Variants in CTNNA2 observed in about 807,000 individuals in gnomAD.
CTNNA2 encodes the protein catenin alpha-2.
CTNNA2 carries 42 observed loss-of-function variants against 101.0 expected under a neutral mutation model. The ratio of observed to expected loss-of-function variants is 0.42; its 90% confidence interval spans 0.32 to 0.54. The LOEUF is 0.54. Among genes scored for constraint, CTNNA2 ranks in the 20% least tolerant of loss-of-function variants. The pLI is 0.14. For synonymous variants in CTNNA2, 450 were observed against 456.4 expected, an observed-to-expected ratio of 0.99 and a Z score of 0.18; for missense variants, 871 against 1,223.1, an observed-to-expected ratio of 0.71 and a Z score of 4.29.
At chr2:79,840,223 T>C (rs1246137490) in intron 3 of CTNNA2, among the ~76,000 whole-genome samples, 1 of 152,232 alleles carries the variant, frequency 6.6e-6, no homozygotes, top group Non-Finnish European at 1.5e-5. Context: ...CACAGGGCAT[T>C]TTTTTCCTAG....
In CTNNA2 at chr2:80,116,504, G is replaced by T. The variant is rs73940949; in HGVS notation, c.1056+206707G>T. On this transcript the variant is annotated intron_variant, in intron 7 of 18. Transcript: ENST00000402739. ...TATATGTTTGTGTGCATATGCATAT[G>T]CGTGGGAATTTGTGTTTGTACATGT... Among the ~76,000 whole-genome samples, 327 of 152,234 alleles carry T rather than the reference G, an allele frequency of 2.1e-3. 1 individual carries two copies. The highest frequency in any genetic ancestry group is 7.4e-3 in the African/African-American group (309 of 41,548).
At chr2:80,543,005 CT>C (rs1357052896) in intron 9 of CTNNA2, among the ~76,000 whole-genome samples, 1 of 152,160 alleles carries the variant, frequency 6.6e-6, no homozygotes, top group African/African-American at 2.4e-5. Context: ...GAACATTTGT[CT>C]TGCCAAATTA....
chr2:80,294,388 G>T (rs192805266), intron 7 of CTNNA2, among the ~76,000 whole-genome samples: 53 of 152,192 alleles, frequency 3.5e-4, no homozygotes, highest in Middle Eastern at 3.4e-3. Context: ...TGGAGTCAAT[G>T]GCAGGAGGTG....
intron 7 of CTNNA2, among the ~76,000 whole-genome samples, chr2:80,084,853 T>C (rs1166750831): frequency 1.3e-5 from 2 of 151,986 alleles, no homozygotes; most frequent in African/African-American, 4.8e-5. Flanking sequence ...GGAATGAAGA[T>C]GAAAAAAAAT....
intron 3 of CTNNA2, among the ~76,000 whole-genome samples, chr2:79,841,259 G>A (rs555704490): frequency 6.6e-6 from 1 of 152,238 alleles, no homozygotes; most frequent in African/African-American, 2.4e-5. Flanking sequence ...AGAAATCTGA[G>A]TCCTACTTTT....
chr2:80,190,729 T>A, intron 7 of CTNNA2, among the ~76,000 whole-genome samples: 1 of 152,208 alleles, frequency 6.6e-6, no homozygotes, highest in East Asian at 1.9e-4. Context: ...GCTTCTATGG[T>A]TTCTGGCCTA....
intron 1 of CTNNA2, among the ~76,000 whole-genome samples, chr2:79,597,847 A>G (rs899957009): frequency 4.6e-5 from 7 of 152,206 alleles, no homozygotes; most frequent in Non-Finnish European, 8.8e-5. Context: ...TATTCTATGT[A>G]TTAGGAGAAA....
At chr2:80,368,479 C>G (rs900933332) in intron 7 of CTNNA2, among the ~76,000 whole-genome samples, 1 of 151,778 alleles carries the variant, frequency 6.6e-6, no homozygotes, top group Non-Finnish European at 1.5e-5. Flanking sequence ...ATTGAATGCA[C>G]TATACACAGA....
intron 2 of CTNNA2, among the ~76,000 whole-genome samples, chr2:79,740,465 G>A (rs981360888): frequency 1.3e-5 from 2 of 152,028 alleles, no homozygotes; most frequent in African/African-American, 4.8e-5. Flanking sequence ...TTTGCTTTCA[G>A]CTGACACAAA....
intron 2 of CTNNA2, among the ~76,000 whole-genome samples, chr2:79,289,856 A>G (rs911751365): frequency 6.6e-6 from 1 of 152,230 alleles, no homozygotes; most frequent in South Asian, 2.1e-4. Flanking sequence ...TATAATACTT[A>G]GGAGTGAGGG....
In CTNNA2 at chr2:80,129,682, C is replaced by G. The variant is rs147744088; in HGVS notation, c.1056+219885C>G. ...GCATATAAGATCATCTCATCCTTAA[C>G]TACAACTCTATAATGGAACTCCTGT... On this transcript the variant is annotated intron_variant, in intron 7 of 18. Transcript: ENST00000402739. 5.6e-4 allele frequency among the ~76,000 whole-genome samples: 86 copies of G among 152,346 alleles called. 1 individual carries two copies. The highest frequency in any genetic ancestry group is 1.9e-3 in the African/African-American group (80 of 41,588).
At chr2:79,726,923 G>A (rs1051823334) in intron 2 of CTNNA2, among the ~76,000 whole-genome samples, 2 of 152,188 alleles carry the variant, frequency 1.3e-5, no homozygotes, top group African/African-American at 2.4e-5. Flanking sequence ...GCTATAAAAA[G>A]TGAGTCGGTT....
At chr2:80,071,600 C>T (rs1040342818) in intron 7 of CTNNA2, among the ~76,000 whole-genome samples, 1 of 152,186 alleles carries the variant, frequency 6.6e-6, no homozygotes, top group African/African-American at 2.4e-5. Context: ...GGGTAATAGA[C>T]TTCTCTCACC....
At chr2:80,336,042 A>G (rs1436020731) in intron 7 of CTNNA2, among the ~76,000 whole-genome samples, 1 of 152,188 alleles carries the variant, frequency 6.6e-6, no homozygotes, top group Non-Finnish European at 1.5e-5. Context: ...AAGAAATTGT[A>G]TAGTGCACAC....
At chr2:80,455,182 T>C (rs1683858262) in intron 9 of CTNNA2, among the ~76,000 whole-genome samples, 1 of 152,222 alleles carries the variant, frequency 6.6e-6, no homozygotes, top group Non-Finnish European at 1.5e-5. Context: ...AGCAGCCTTT[T>C]TGTACCTATA....
At chr2:79,210,781 A>G (rs1674161374) in intron 2 of CTNNA2, among the ~76,000 whole-genome samples, 2 of 152,062 alleles carry the variant, frequency 1.3e-5, no homozygotes, top group South Asian at 4.2e-4. Flanking sequence ...AAGTGAGGAC[A>G]TGCAATGTTT....
At chr2:80,245,005 C>A (rs1034067342) in intron 7 of CTNNA2, among the ~76,000 whole-genome samples, 2 of 152,170 alleles carry the variant, frequency 1.3e-5, no homozygotes, top group Admixed American at 1.3e-4. Context: ...TGTTCAGACA[C>A]TAAAACAAAC....
At chr2:79,855,076 T>A (rs1354775959) in intron 3 of CTNNA2, among the ~76,000 whole-genome samples, 1 of 152,212 alleles carries the variant, frequency 6.6e-6, no homozygotes, top group East Asian at 1.9e-4. Context: ...TAAAATGAGC[T>A]TTTAGTTTAA....
chr2:80,283,559 T>G (rs1258451255), intron 7 of CTNNA2, among the ~76,000 whole-genome samples: 2 of 152,112 alleles, frequency 1.3e-5, no homozygotes, highest in Non-Finnish European at 1.5e-5. Flanking sequence ...AGAACCTGAA[T>G]GTGTTTAAGT....
Sources: allele counts gnomAD v4.1 joint callset (sites outside exome capture counted in the v4.1 genomes callset), GRCh38; gene constraint gnomAD v4.1.1; transcripts MANE v1.5; gene names NCBI Gene and HGNC (gene_info 2026-07-23, HGNC 2026-07-21).